Variants in LCORL observed in about 807,000 individuals in gnomAD.
LCORL encodes the protein ligand-dependent nuclear receptor corepressor-like protein.
LCORL carries 41 observed loss-of-function variants against 141.8 expected under a neutral mutation model. The ratio of observed to expected loss-of-function variants is 0.29; its 90% CI spans 0.23 to 0.38. The LOEUF is 0.38. Ranked by LOEUF, LCORL falls within the 10% of genes least tolerant of loss-of-function variation. The pLI, the probability that LCORL is intolerant of heterozygous loss-of-function variation, is 1.00. For missense variants in LCORL, 1,759 were observed against 2,035.0 expected (o/e 0.86, Z 2.61); for synonymous variants, 618 against 694.1 (o/e 0.89, Z 1.72).
At chr4:17,850,762 G>C (rs1723567521) in intron 7 of LCORL, among the ~76,000 whole-genome samples, 1 of 151,808 alleles carries the variant, frequency 6.6e-6, no homozygotes, top group African/African-American at 2.4e-5. Flanking sequence ...ATTTGACCCA[G>C]CCATCCCATT....
At chr4:17,845,528 A>C (rs538913848) in exon 8 of LCORL, 1 of 426,270 alleles carries the variant, frequency 2.3e-6, no homozygotes, top group African/African-American at 2.1e-5. Context: ...TCCGTTTACA[A>C]AATTCCACAA....
At chr4:18,005,929 C>A (rs1722733446) in intron 1 of LCORL, among the ~76,000 whole-genome samples, 1 of 152,236 alleles carries the variant, frequency 6.6e-6, no homozygotes, top group African/African-American at 2.4e-5. Context: ...TGGGGATTAA[C>A]ATTCGGCTCC....
chr4:17,962,132 T>A, intron 3 of LCORL, 100 bp from the exon 4 acceptor site: 1 of 666,654 alleles, frequency 1.5e-6, no homozygotes, highest in Non-Finnish European at 2.4e-6. Flanking sequence ...AATGCCCATT[T>A]GTTCTGCTCT....
chr4:17,874,115 C>T (rs199629578), exon 7 of LCORL: 34 of 668,666 alleles, frequency 5.1e-5, no homozygotes, highest in Non-Finnish European at 5.6e-5. Context: ...TTAAGTTTCT[C>T]CTTTTAGAGT....
At chr4:17,999,005 C>A (rs76393859) in intron 1 of LCORL, among the ~76,000 whole-genome samples, 59 of 42,594 alleles carry the variant, frequency 1.4e-3, no homozygotes, top group African/African-American at 3.8e-3. Flanking sequence ...TATATATATA[C>A]ACACATATAT....
exon 7 of LCORL, chr4:17,877,535 G>A: frequency 8.1e-7 from 1 of 1,230,284 alleles, no homozygotes; most frequent in Non-Finnish European, 1.0e-6. Context: ...TCTTATTGCT[G>A]CTGATTTCTG....
chr4:17,977,222 G>A (rs1364101151), intron 1 of LCORL, among the ~76,000 whole-genome samples: 1 of 152,050 alleles, frequency 6.6e-6, no homozygotes, highest in African/African-American at 2.4e-5. Context: ...TCAGAAGTTG[G>A]TGGATATACG....
chr4:17,941,072 G>GCA (rs1227678950), intron 4 of LCORL, among the ~76,000 whole-genome samples: 7 of 152,144 alleles, frequency 4.6e-5, no homozygotes, highest in Admixed American at 4.6e-4. Flanking sequence ...GAAAACAAAT[G>GCA]TTTAAAAATG....
chr4:18,018,814 T>C (rs1397521978), intron 1 of LCORL, among the ~76,000 whole-genome samples: 2 of 152,202 alleles, frequency 1.3e-5, no homozygotes, highest in African/African-American at 2.4e-5. Flanking sequence ...ACAAGAAGGA[T>C]ATTATTTTAT....
intron 4 of LCORL, among the ~76,000 whole-genome samples, chr4:17,922,698 C>G (rs146583388): frequency 3.9e-5 from 6 of 152,230 alleles, no homozygotes; most frequent in African/African-American, 1.4e-4. Context: ...CACACACAGC[C>G]TCGCAAGGTA....
rs891988978 is a variant in LCORL at position 18,003,931 on chromosome 4, A to C, written c.154+17667T>G. Among the ~76,000 whole-genome samples the C allele has an allele frequency of 3.8e-4, 58 of 152,204 alleles. 1 individual carries two copies. Among genetic ancestry groups the C allele is most frequent in the Non-Finnish European group, 8.8e-5 (6 of 68,032 alleles). On this transcript the variant is annotated intron_variant, in intron 1 of 7. Transcript: ENST00000635767. ...GTGATCAAACCTGGGGGAGGGGTGC[A>C]CCACACACACCAATAAAGTCCAAAG...
Position 17,884,796 on chromosome 4 carries a change from ACT to A in LCORL, c.776+1270_776+1271del. 9.2e-7 allele frequency: 1 copy of A among 1,085,544 alleles called. No homozygotes were observed. The highest frequency in any genetic ancestry group is 2.7e-5 in the East Asian group (1 of 37,608). The allele number at this position is 1,085,544 out of a possible 1,614,324, so 67.2% of individuals were successfully genotyped here. A position where few individuals can be genotyped will look rare whatever the true frequency, so the allele number is the denominator to read the frequency against. On this transcript the variant is annotated intron_variant, in intron 6 of 7. Transcript: ENST00000635767. The surrounding 1 kb of genome is among the most constrained non-coding windows in gnomAD (Gnocchi z 4.4). ...ACGATGGTAAACTGATGCATGAGAG[ACT>A]CTCACACAGCTATGGAAGGGGAGGG...
At chr4:17,899,420 C>T (rs1465111951) in intron 5 of LCORL, among the ~76,000 whole-genome samples, 1 of 151,940 alleles carries the variant, frequency 6.6e-6, no homozygotes, top group Non-Finnish European at 1.5e-5. Flanking sequence ...GATCAGCAGC[C>T]CTGAAGTACA....
intron 7 of LCORL, among the ~76,000 whole-genome samples, chr4:17,852,576 C>G (rs1723887236): frequency 6.6e-6 from 1 of 152,074 alleles, no homozygotes; most frequent in Non-Finnish European, 1.5e-5. Context: ...TAAGTAAGGC[C>G]TCTTCTCTAT....
chr4:17,985,072 T>C (rs1441341075), intron 1 of LCORL, among the ~76,000 whole-genome samples: 3 of 152,118 alleles, frequency 2.0e-5, no homozygotes, highest in Admixed American at 2.0e-4. Context: ...TGCAATTGCA[T>C]AGTTTTGAGT....
chr4:17,877,468 G>A (rs1727043307), exon 7 of LCORL: 1 of 1,228,890 alleles, frequency 8.1e-7, no homozygotes, highest in South Asian at 4.1e-5. Flanking sequence ...TCATTTGAGA[G>A]TAAAGAATAA....
At chr4:17,845,616 GACA>G in exon 8 of LCORL, 1 of 702,752 alleles carries the variant, frequency 1.4e-6, no homozygotes, top group Admixed American at 3.3e-5. Context: ...TTAATATAAA[GACA>G]AATCACAGGA....
rs1348465558 is a variant in LCORL at position 17,884,581 on chromosome 4, T to C, written c.776+1487A>G. 1 of 1,539,258 alleles carries C rather than the reference T, an allele frequency of 6.5e-7. No individual in the cohort carries two copies. The highest frequency in any genetic ancestry group is 8.7e-7 in the Non-Finnish European group (1 of 1,143,430). On this transcript the variant is annotated intron_variant, in intron 6 of 7. Coordinates refer to ENST00000635767, the Ensembl canonical transcript of LCORL. The surrounding 1 kb of genome is among the most constrained non-coding windows in gnomAD (Gnocchi z 4.4). ...TTTTAAAAGATGCAGGCTTCCCTGCTGGTAAGGCTTCTAAGTGAAGAAGTA... is the reference window on the plus strand; with the variant it reads ...TTTTAAAAGATGCAGGCTTCCCTGCCGGTAAGGCTTCTAAGTGAAGAAGTA...
At chr4:17,984,499 G>A (rs574414222) in intron 1 of LCORL, among the ~76,000 whole-genome samples, 1 of 152,150 alleles carries the variant, frequency 6.6e-6, no homozygotes, top group Admixed American at 6.5e-5. Context: ...AGTTGTATGG[G>A]GGGGTATATG....
Sources: allele counts gnomAD v4.1 joint callset (sites outside exome capture counted in the v4.1 genomes callset), GRCh38; gene constraint gnomAD v4.1.1; non-coding constraint Gnocchi (gnomAD v3.1); transcripts MANE v1.5; gene names NCBI Gene and HGNC (gene_info 2026-07-23, HGNC 2026-07-21).